ARHGAP39: variants seen among roughly 807,000 people sequenced by gnomAD.
ARHGAP39 encodes the protein Rho GTPase activating protein 39, also known as rho GTPase-activating protein 39.
In ARHGAP39, 44 loss-of-function variants were observed where a neutral mutation model predicts 106.9. The observed-to-expected ratio is 0.41, with a 90% CI of 0.32 to 0.53. The LOEUF (loss-of-function observed/expected upper bound fraction) is 0.53, where lower values mean the gene tolerates loss of function less well. Ranked by LOEUF, ARHGAP39 falls within the 20% of genes least tolerant of loss-of-function variation. The probability of loss-of-function intolerance (pLI) is 0.21; values close to 1 mark genes in which losing one functional copy is unlikely to be tolerated. For missense variants in ARHGAP39, 1,496 were observed against 1,577.3 expected (o/e 0.95, Z 0.87); for synonymous variants, 768 against 693.2 (o/e 1.11, Z -1.69).
intron 1 of ARHGAP39, among the ~76,000 whole-genome samples, chr8:144,609,851 G>T (rs1283536596): frequency 6.6e-6 from 1 of 152,102 alleles, no homozygotes; most frequent in Non-Finnish European, 1.5e-5. Context: ...AACAAAATGA[G>T]AAGTATTCCC....
At chr8:144,689,426 CTTTTTTTTTTTTTTTTT>C (rs71320837), upstream of ARHGAP39, among the ~76,000 whole-genome samples, 701 of 67,626 alleles carry the variant, frequency 0.01, 17 homozygotes, top group African/African-American at 0.042. Context: ...TCTTAACCAT[CTTTTTTTTTTTTTTTTT>C]TTTTTTTTTT....
In ARHGAP39 at chr8:144,591,495, G is replaced by A. The variant is rs1353833569; in HGVS notation, c.81-10218C>T. ...GTGAACGGACCCTGAAGAAGGACTT[G>A]TTTGCATCCCCTTCCACCATGATTG... On this transcript the variant is annotated intron_variant, in intron 2 of 11. Coordinates refer to ENST00000377307, the MANE Select transcript of ARHGAP39 (RefSeq NM_025251.3). This position sits in a 1 kb window ranked among gnomAD's most constrained non-coding sequence, Gnocchi z 5.3. Among the ~76,000 whole-genome samples the A allele has an allele frequency of 6.6e-6, 1 of 152,224 alleles. No individual in the cohort carries two copies. The highest frequency in any genetic ancestry group is 6.5e-5 in the Admixed American group (1 of 15,290).
At chr8:144,600,314 G>A (rs781229011) in intron 2 of ARHGAP39, among the ~76,000 whole-genome samples, 16 of 151,540 alleles carry the variant, frequency 1.1e-4, no homozygotes, top group East Asian at 1.9e-4. Context: ...GCATGGAGGC[G>A]TGCGTGTGCA....
chr8:144,619,142 A>T (rs949689097), intron 1 of ARHGAP39, among the ~76,000 whole-genome samples: 1 of 152,136 alleles, frequency 6.6e-6, no homozygotes, highest in Non-Finnish European at 1.5e-5. Context: ...AGTTCCAGTC[A>T]TGAGTGGGCA....
chr8:144,673,668 T>A (rs139714757), intron 1 of ARHGAP39, among the ~76,000 whole-genome samples: 62 of 152,304 alleles, frequency 4.1e-4, no homozygotes, highest in African/African-American at 1.3e-3. Context: ...CAGAAACCGC[T>A]GTGGCCAGTG....
At chr8:144,601,251 C>G (rs182868975) in intron 2 of ARHGAP39, among the ~76,000 whole-genome samples, 1 of 104,060 alleles carries the variant, frequency 9.6e-6, no homozygotes, top group African/African-American at 3.7e-5. Context: ...TGCATGGAGG[C>G]GTGTGTGCTC....
Position 144,547,634 on chromosome 8 carries a change from G to T in ARHGAP39, c.1452C>A (p.Ser484=). Reference sequence around the variant, plus strand: ...TGCGCGTGCCCGGGGAGTAGCCTGTGGAGGACAGGGTGTCCTGCTGGCTGG... The same window carrying T: ...TGCGCGTGCCCGGGGAGTAGCCTGTTGAGGACAGGGTGTCCTGCTGGCTGG... ...SWSSQQDTLS[S]TGYSPGTRKR... Residue 484 remains serine (S), a synonymous_variant, in exon 5 of 12, where the codon TCC becomes TCA. Transcript: ENST00000377307. This position sits in a 1 kb window ranked among gnomAD's most constrained non-coding sequence, Gnocchi z 5.2. The T allele has an allele frequency of 6.6e-7, 1 of 1,522,758 alleles. No homozygotes were observed. Among genetic ancestry groups the T allele is most frequent in the East Asian group, 2.4e-5 (1 of 42,114 alleles). 94.3% of individuals were successfully genotyped at this position (1,522,758 alleles called of 1,614,324 possible). A position where few individuals can be genotyped will look rare whatever the true frequency, so the allele number is the denominator to read the frequency against.
At chr8:144,624,179 T>C (rs1225857529) in intron 1 of ARHGAP39, among the ~76,000 whole-genome samples, 3 of 152,210 alleles carry the variant, frequency 2.0e-5, no homozygotes, top group Non-Finnish European at 4.4e-5. Context: ...CACACCCACC[T>C]GCACCTGTGC....
chr8:144,654,880 A>T (rs999034059), intron 1 of ARHGAP39, among the ~76,000 whole-genome samples: 8 of 151,574 alleles, frequency 5.3e-5, no homozygotes, highest in Non-Finnish European at 1.0e-4. Flanking sequence ...CAACCGCCCA[A>T]ACCATGGCTG....
At chr8:144,620,249 CTG>C (rs1820766600) in intron 1 of ARHGAP39, among the ~76,000 whole-genome samples, 1 of 135,268 alleles carries the variant, frequency 7.4e-6, no homozygotes. Context: ...GTCTGTTAGC[CTG>C]TGTGTCCAAG....
chr8:144,600,140 C>A (rs769442551), intron 2 of ARHGAP39, among the ~76,000 whole-genome samples: 4 of 151,528 alleles, frequency 2.6e-5, no homozygotes, highest in Non-Finnish European at 5.9e-5. Context: ...TGTGCGAGCT[C>A]ATGTACCTAC....
At chr8:144,685,410 G>A (rs1447913522) in intron 1 of ARHGAP39, among the ~76,000 whole-genome samples, 3 of 150,646 alleles carry the variant, frequency 2.0e-5, no homozygotes, top group Non-Finnish European at 3.0e-5. Flanking sequence ...CACACTCCCA[G>A]CCCGGCCCGT....
chr8:144,544,248 C>A (rs969729401), intron 6 of ARHGAP39, among the ~76,000 whole-genome samples: 1 of 152,252 alleles, frequency 6.6e-6, no homozygotes, highest in Non-Finnish European at 1.5e-5. Flanking sequence ...CTATACCCAA[C>A]ACTGTCCCCA....
intron 2 of ARHGAP39, among the ~76,000 whole-genome samples, chr8:144,601,633 T>A (rs1183008171): frequency 7.5e-6 from 1 of 134,052 alleles, no homozygotes; most frequent in African/African-American, 2.8e-5. Context: ...GAGGCGTGCA[T>A]GTGTGCTCGT....
rs202236792 is a variant in ARHGAP39, at chr8:144,605,629, G to A, written c.-15C>T. On this transcript the variant is annotated 5_prime_UTR_variant, in exon 2 of 12. Transcript: ENST00000377307. ...GTCTGGGACATCGCTGTTTGCTTCC[G>A]CGCCCACGTGGACAGACGTCAGGGC... The A allele has an allele frequency of 1.2e-5, 19 of 1,611,842 alleles. No homozygotes were observed. In the East Asian group the frequency reaches 1.8e-4, roughly 15 times the overall value.
Position 144,580,809 on chromosome 8 carries a change from A to G in ARHGAP39, c.512+37T>C, listed in dbSNP as rs1045717926. On this transcript the variant is annotated intron_variant, in intron 3 of 11. Coordinates refer to ENST00000377307, the MANE Select transcript of ARHGAP39 (RefSeq NM_025251.3). ...TCACCTGGCCCCGCCCACTCCATTC[A>G]CCTGGCCCCGCCCATAGCAGCTGCC... is the stretch of plus-strand genomic sequence containing the variant. 5.1e-6 allele frequency: 5 copies of G among 988,780 alleles called. No individual in the cohort carries two copies. The African/African-American group carries it at 1.4e-4, about 28-fold the overall frequency. The allele number at this position is 988,780 out of a possible 1,614,324, so 61.3% of individuals were successfully genotyped here.
intron 2 of ARHGAP39, among the ~76,000 whole-genome samples, chr8:144,589,795 TG>T (rs1228797708): frequency 2.0e-5 from 3 of 152,168 alleles, no homozygotes; most frequent in Admixed American, 2.0e-4. Context: ...TCAGCAGCCC[TG>T]GGCACAGCCC....
At chr8:144,639,557 A>T (rs1821258976) in intron 1 of ARHGAP39, among the ~76,000 whole-genome samples, 1 of 152,186 alleles carries the variant, frequency 6.6e-6, no homozygotes, top group African/African-American at 2.4e-5. Flanking sequence ...TTCACAAACC[A>T]TATGATTCTT....
At chr8:144,635,131 ATGT>A (rs1188735827) in intron 1 of ARHGAP39, among the ~76,000 whole-genome samples, 2 of 152,196 alleles carry the variant, frequency 1.3e-5, no homozygotes, top group Non-Finnish European at 2.9e-5. Flanking sequence ...CTCCATGGTT[ATGT>A]TGTTTTGTAC....
Sources: allele counts gnomAD v4.1 joint callset (sites outside exome capture counted in the v4.1 genomes callset), GRCh38; gene constraint gnomAD v4.1.1; non-coding constraint Gnocchi (gnomAD v3.1); transcripts MANE v1.5; gene names NCBI Gene and HGNC (gene_info 2026-07-23, HGNC 2026-07-21).